Variants in XKR6 observed in about 807,000 individuals in gnomAD.
The protein encoded by XKR6 is XK related 6.
A neutral mutation model predicts 56.7 loss-of-function variants in XKR6; 22 were observed. The observed-to-expected ratio is 0.39, with a 90% CI of 0.28 to 0.55. The LOEUF is 0.55. XKR6 is among the 20% of genes least tolerant of loss of function. The probability of loss-of-function intolerance (pLI) is 0.66; values close to 1 mark genes in which losing one functional copy is unlikely to be tolerated. For missense variants in XKR6, 852 were observed against 889.0 expected (o/e 0.96, Z 0.53); for synonymous variants, 524 against 387.8 (o/e 1.35, Z -4.13).
intron 2 of XKR6, among the ~76,000 whole-genome samples, chr8:10,912,815 T>G (rs1800443084): frequency 7.0e-6 from 1 of 143,184 alleles, no homozygotes. Flanking sequence ...GAGAGGCGAG[T>G]ATATATACAT....
intron 1 of XKR6, among the ~76,000 whole-genome samples, chr8:11,019,504 G>T (rs887987351): frequency 6.6e-6 from 1 of 152,266 alleles, no homozygotes; most frequent in Admixed American, 6.5e-5. Context: ...CTCTGGGGAT[G>T]GAGACAGGGC....
intron 1 of XKR6, among the ~76,000 whole-genome samples, chr8:10,986,726 T>A (rs920496382): frequency 2.6e-5 from 4 of 152,136 alleles, no homozygotes; most frequent in African/African-American, 4.8e-5. Flanking sequence ...TCAACTTCGG[T>A]TTCCTTATCT....
chr8:10,976,887 C>T (rs930215945), intron 1 of XKR6, among the ~76,000 whole-genome samples: 1 of 152,138 alleles, frequency 6.6e-6, no homozygotes, highest in East Asian at 1.9e-4. Flanking sequence ...CCCCAGTGGG[C>T]TGGGGGGCTA....
chr8:10,985,198 C>T (rs937496622), intron 1 of XKR6, among the ~76,000 whole-genome samples: 3 of 151,972 alleles, frequency 2.0e-5, no homozygotes, highest in African/African-American at 4.8e-5. Flanking sequence ...CCCATAATTC[C>T]CACATGTCAC....
chr8:11,166,566 ATATT>A (rs947979313), intron 1 of XKR6, among the ~76,000 whole-genome samples: 1 of 151,908 alleles, frequency 6.6e-6, no homozygotes, highest in Non-Finnish European at 1.5e-5. Context: ...ATTTAATCTA[ATATT>A]TATTTATTTA....
At chr8:11,195,097 A>C (rs1803799956) in intron 1 of XKR6, 2 of 702,730 alleles carry the variant, frequency 2.8e-6, no homozygotes, top group African/African-American at 3.5e-5. Flanking sequence ...TTACCCTCAC[A>C]GCTAAGCAAG....
chr8:11,046,607 AT>A (rs1408583082), intron 1 of XKR6, among the ~76,000 whole-genome samples: 17 of 152,224 alleles, frequency 1.1e-4, no homozygotes, highest in Admixed American at 1.1e-3. Flanking sequence ...TTTTTCAGTT[AT>A]AAAAAATAAG....
At chr8:11,114,520 C>A (rs1427686216) in intron 1 of XKR6, among the ~76,000 whole-genome samples, 1 of 152,108 alleles carries the variant, frequency 6.6e-6, no homozygotes, top group East Asian at 1.9e-4. Flanking sequence ...CACCACCATG[C>A]CTGCTAATTC....
intron 1 of XKR6, among the ~76,000 whole-genome samples, chr8:10,992,287 TCA>T (rs113725403): frequency 0.12 from 18,171 of 149,708 alleles, 3,552 homozygotes; most frequent in African/African-American, 0.42. Flanking sequence ...TCTCTCTCTC[TCA>T]CACACACACA....
intron 1 of XKR6, among the ~76,000 whole-genome samples, chr8:11,012,231 G>A (rs529890789): frequency 6.6e-6 from 1 of 152,226 alleles, no homozygotes; most frequent in Non-Finnish European, 1.5e-5. Flanking sequence ...CATGGGGACA[G>A]AAGGGGCAGT....
intron 1 of XKR6, among the ~76,000 whole-genome samples, chr8:11,088,769 C>G (rs1045251801): frequency 6.6e-6 from 1 of 152,196 alleles, no homozygotes; most frequent in African/African-American, 2.4e-5. Context: ...CCTGTAAGTG[C>G]AAGGCATTAA....
At chr8:10,983,125 C>T (rs1332978458) in intron 1 of XKR6, among the ~76,000 whole-genome samples, 1 of 151,538 alleles carries the variant, frequency 6.6e-6, no homozygotes, top group Non-Finnish European at 1.5e-5. Context: ...AATAATGCAA[C>T]AAGATAACCC....
chr8:10,989,080 CAAG>C (rs1487834207), intron 1 of XKR6, among the ~76,000 whole-genome samples: 2 of 152,270 alleles, frequency 1.3e-5, no homozygotes, highest in East Asian at 3.9e-4. Flanking sequence ...GGTTAGGGGC[CAAG>C]AAGGAGACAG....
intron 1 of XKR6, chr8:11,175,291 G>C (rs1802597214): frequency 6.5e-6 from 1 of 152,776 alleles, no homozygotes; most frequent in Non-Finnish European, 1.5e-5. Context: ...GTGAACTTTT[G>C]CTGCACGTGC....
intron 1 of XKR6, among the ~76,000 whole-genome samples, chr8:10,931,832 AAAC>A (rs571237209): frequency 0.015 from 2,014 of 137,152 alleles, 47 homozygotes; most frequent in African/African-American, 0.054. Flanking sequence ...TCCATAAAAA[AAAC>A]AAAAAAGATA....
chr8:11,144,605 G>A lies in XKR6; in HGVS notation c.764+55971C>T, dbSNP rs1270379139. Among the ~76,000 whole-genome samples the A allele has an allele frequency of 2.6e-5, 4 of 152,018 alleles. No homozygotes were observed. The East Asian group carries it at 5.8e-4, about 22-fold the overall frequency. On this transcript the variant is annotated intron_variant, in intron 1 of 2. Transcript: ENST00000416569. ...AGACGCTTTCCTGCAGCAGTTACCT[G>A]TGGGTAACTGTCCTCCCTCACTCAG...
rs376913974 is a variant in XKR6 at position 11,074,176 on chromosome 8, G to A, written c.764+126400C>T. Among the ~76,000 whole-genome samples the A allele has an allele frequency of 2.0e-5, 3 of 152,192 alleles. No homozygotes were observed. In the South Asian group the frequency reaches 6.2e-4, roughly 32 times the overall value. ...TCTGAGTATTTCTCCGAGGTTCACG[G>A]CCCCAGCGATGGGGCTGCTCTGTCT... On this transcript the variant is annotated intron_variant, in intron 1 of 2. Transcript: ENST00000416569.
intron 1 of XKR6, among the ~76,000 whole-genome samples, chr8:11,150,852 CAAAAAAAAAAA>C (rs546547767): frequency 3.0e-4 from 27 of 90,278 alleles, no homozygotes; most frequent in African/African-American, 9.0e-4. Flanking sequence ...GACTCCATCT[CAAAAAAAAAAA>C]AAAAAAAAAA....
At chr8:11,113,399 T>C (rs1799002685) in intron 1 of XKR6, among the ~76,000 whole-genome samples, 1 of 152,180 alleles carries the variant, frequency 6.6e-6, no homozygotes, top group South Asian at 2.1e-4. Flanking sequence ...CAAAAAAGTT[T>C]TACTAAAATG....
Sources: gnomAD v4.1 joint callset for allele counts (sites outside exome capture counted in the v4.1 genomes callset) on GRCh38, gnomAD v4.1.1 for gene constraint, MANE v1.5 for transcripts, NCBI Gene and HGNC (gene_info 2026-07-23, HGNC 2026-07-21) for gene names.